The following SNRPC variants were observed in gnomAD, a reference collection of about 807,000 sequenced individuals.
The protein encoded by SNRPC is U1 small nuclear ribonucleoprotein C.
A neutral mutation model predicts 20.0 loss-of-function variants in SNRPC; 5 were observed. That is an observed-to-expected ratio of 0.25 (90% confidence interval 0.13 to 0.53). The LOEUF is 0.53. Ranked by LOEUF, SNRPC falls within the 20% of genes least tolerant of loss-of-function variation. The pLI is 0.96. For synonymous variants in SNRPC, 61 were observed against 58.7 expected (o/e 1.04, Z -0.18); for missense variants, 112 against 224.1 (o/e 0.50, Z 3.19).
chr6:34,770,930 AG>A (rs1281575900), intron 5 of SNRPC, among the ~76,000 whole-genome samples: 1 of 152,190 alleles, frequency 6.6e-6, no homozygotes, highest in Admixed American at 6.5e-5. Context: ...TTTTTTATTT[AG>A]GGAGGCGTAA....
In SNRPC at chr6:34,773,441, T is replaced by C. The variant is rs1270719550; in HGVS notation, c.356-5T>C. 3 of 1,613,204 alleles carry C rather than the reference T, an allele frequency of 1.9e-6. No homozygotes were observed. In the African/African-American group the frequency reaches 4.0e-5, roughly 22 times the overall value. ...TTTCTCCCTCTTCTTTGTTTTGTCC[T>C]GCAGCTCCTGGAATGAGGCCGCCCA... On this transcript the variant is annotated splice_polypyrimidine_tract_variant and splice_region_variant and intron_variant, in intron 5 of 5. Coordinates refer to ENST00000244520, the MANE Select transcript of SNRPC (RefSeq NM_003093.3). The surrounding 1 kb of genome is among the most constrained non-coding windows in gnomAD (Gnocchi z 4.1).
chr6:34,767,950 C>T lies in SNRPC; in HGVS notation c.203C>T (p.Ser68Phe), dbSNP rs1290257680. 1 of 1,610,022 alleles carries T rather than the reference C, an allele frequency of 6.2e-7. No homozygotes were observed. Among genetic ancestry groups the T allele is most frequent in the East Asian group, 2.2e-5 (1 of 44,702 alleles). ...GGAAAGATACCTCCTACTCCATTCT[C>T]TGCTCCTCCTCCTGCAGGGGCGATG... The part of the protein sequence containing the change: ...QQGKIPPTPF[S>F]APPPAGAMIP... Residue 68 changes from serine to phenylalanine, a missense_variant, in exon 4 of 6, where the codon TCT becomes TTT. By Grantham distance (155) the Ser-to-Phe change is radical (BLOSUM62 -2). This residue lies in a region of SNRPC where 45 missense variants were observed against 48.6 expected (regional missense o/e 0.93). Transcript: ENST00000244520.
At chr6:34,772,276 C>T (rs761684197) in intron 5 of SNRPC, among the ~76,000 whole-genome samples, 8 of 152,166 alleles carry the variant, frequency 5.3e-5, no homozygotes, top group Non-Finnish European at 1.0e-4. Flanking sequence ...GGAATCTAGA[C>T]TTTTGTATGA....
intron 2 of SNRPC, among the ~76,000 whole-genome samples, chr6:34,759,572 A>G (rs1764506133): frequency 6.6e-6 from 1 of 152,234 alleles, no homozygotes; most frequent in Admixed American, 6.5e-5. Context: ...TTGTTGCTTC[A>G]TTAAGGACAC....
At chr6:34,769,485 C>T (rs1408382505) in intron 4 of SNRPC, among the ~76,000 whole-genome samples, 1 of 151,950 alleles carries the variant, frequency 6.6e-6, no homozygotes, top group East Asian at 1.9e-4. Flanking sequence ...GAGCCACCAC[C>T]CCCAGCCTAC....
chr6:34,767,089 T>G (rs1250072199), intron 3 of SNRPC, among the ~76,000 whole-genome samples: 1 of 152,236 alleles, frequency 6.6e-6, no homozygotes, highest in Non-Finnish European at 1.5e-5. Flanking sequence ...TGGGGCAGGC[T>G]TATAGTTTGA....
rs1764630620 is a variant in SNRPC at position 34,767,693 on chromosome 6, CAT to C, written c.161-213_161-212del. 5.3e-5 allele frequency among the ~76,000 whole-genome samples: 8 copies of C among 152,204 alleles called. No individual in the cohort carries two copies. The South Asian group carries it at 1.5e-3, about 28-fold the overall frequency. The stretch of plus-strand genomic sequence containing the variant: ...AGCCATAGAAATGCTAAGTAGAAAA[CAT>C]AAATCAATAAACCAATTAACTGCAC... On this transcript the variant is annotated intron_variant, in intron 3 of 5. Transcript: ENST00000244520.
intron 4 of SNRPC, among the ~76,000 whole-genome samples, chr6:34,769,540 A>G (rs1266260929): frequency 6.6e-6 from 1 of 152,092 alleles, no homozygotes; most frequent in Admixed American, 6.6e-5. Context: ...AGGTATTGTA[A>G]ATGATACTGT....
chr6:34,770,504 G>A (rs931683827), intron 5 of SNRPC, 109 bp downstream of exon 5: 2 of 686,104 alleles, frequency 2.9e-6, no homozygotes, highest in Admixed American at 2.7e-5. Context: ...CTTGAAAATG[G>A]GGAGTTGTGC....
intron 2 of SNRPC, among the ~76,000 whole-genome samples, chr6:34,759,099 GTATTGGGAAGCTGTCA>G (rs1401269041): frequency 6.6e-6 from 1 of 150,924 alleles, no homozygotes; most frequent in Non-Finnish European, 1.5e-5. Context: ...CCACCTTTAA[GTATTGGGAAGCTGTCA>G]AGCTTATGGT....
intron 3 of SNRPC, among the ~76,000 whole-genome samples, chr6:34,764,061 C>T (rs138207634): frequency 1.8e-3 from 278 of 151,748 alleles, no homozygotes; most frequent in African/African-American, 6.1e-3. Flanking sequence ...CAAAACTGTC[C>T]GGGCACAGTG....
chr6:34,773,515 C>T lies in SNRPC; in HGVS notation c.425C>T (p.Pro142Leu), dbSNP rs1276522448. 6.2e-7 allele frequency: 1 copy of T among 1,613,714 alleles called. No individual in the cohort carries two copies. Among genetic ancestry groups the T allele is most frequent in the Non-Finnish European group, 8.5e-7 (1 of 1,179,888 alleles). ...MMPGPPMMRPPARPMMVPTRP... is the reference protein window; with the variant it reads ...MMPGPPMMRPLARPMMVPTRP... Reference sequence around the variant, plus strand: ...CCTGGGCCCCCAATGATGAGACCTCCTGCCCGTCCCATGATGGTGCCCACT... The same window carrying T: ...CCTGGGCCCCCAATGATGAGACCTCTTGCCCGTCCCATGATGGTGCCCACT... The change falls in exon 6 of 6, where the codon CCT (proline) becomes CTT (leucine). Residue 142 changes from proline to leucine, a missense_variant. By Grantham distance (98) the Pro-to-Leu change is moderately conservative. Transcript: ENST00000244520. This position sits in a 1 kb window ranked among gnomAD's most constrained non-coding sequence, Gnocchi z 4.1.
chr6:34,763,430 C>G (rs1764563705), intron 3 of SNRPC, among the ~76,000 whole-genome samples: 1 of 151,976 alleles, frequency 6.6e-6, no homozygotes, highest in Non-Finnish European at 1.5e-5. Context: ...GCCTGTAATC[C>G]CAGTACTTTG....
rs1038789447 is a variant in SNRPC at position 34,773,838 on chromosome 6, A to T, written c.*268A>T. On this transcript the variant is annotated 3_prime_UTR_variant, in exon 6 of 6. Coordinates refer to ENST00000244520, the MANE Select transcript of SNRPC (RefSeq NM_003093.3). The surrounding 1 kb of genome is among the most constrained non-coding windows in gnomAD (Gnocchi z 4.1). ...CCTCTCTGTGTTCTCTGTGTATTAT[A>T]AAAGAAATGAAACATTCCAGTTCTG... 3.6e-6 allele frequency: 1 copy of T among 276,792 alleles called. No homozygotes were observed. Among genetic ancestry groups the T allele is most frequent in the African/African-American group, 2.2e-5 (1 of 46,270 alleles). The allele number at this position is 276,792 out of a possible 1,614,324, so 17.1% of individuals were successfully genotyped here.
At chr6:34,757,715 G>C (rs1400497180) in intron 1 of SNRPC, 164 bp downstream of exon 1, 1 of 1,423,674 alleles carries the variant, frequency 7.0e-7, no homozygotes, top group African/African-American at 1.4e-5. Flanking sequence ...CCCCATTTTA[G>C]AGTGCAGATG....
intron 3 of SNRPC, among the ~76,000 whole-genome samples, chr6:34,767,022 GAA>G (rs3839363): frequency 6.6e-6 from 1 of 151,310 alleles, no homozygotes; most frequent in East Asian, 1.9e-4. Flanking sequence ...TGCTTCATCT[GAA>G]AAAAAAATTT....
chr6:34,771,532 G>A (rs1409076365), intron 5 of SNRPC, among the ~76,000 whole-genome samples: 1 of 152,038 alleles, frequency 6.6e-6, no homozygotes, highest in Admixed American at 6.6e-5. Context: ...TTTGGTGATA[G>A]TTTATCTGAG....
intron 3 of SNRPC, among the ~76,000 whole-genome samples, chr6:34,764,369 G>T (rs956151391): frequency 6.6e-6 from 1 of 151,990 alleles, no homozygotes; most frequent in Admixed American, 6.5e-5. Flanking sequence ...CCAGCTACTT[G>T]GGAGGCTGAG....
chr6:34,771,915 G>A (rs1259825706), intron 5 of SNRPC, among the ~76,000 whole-genome samples: 1 of 152,192 alleles, frequency 6.6e-6, no homozygotes, highest in African/African-American at 2.4e-5. Flanking sequence ...TAGGGATGTG[G>A]TGAACTGGGG....
Sources: gnomAD v4.1 joint callset for allele counts (sites outside exome capture counted in the v4.1 genomes callset) on GRCh38, gnomAD v4.1.1 for gene constraint, gnomAD v4.1.1 regional missense constraint, Gnocchi (gnomAD v3.1) non-coding constraint, MANE v1.5 for transcripts, NCBI Gene and HGNC (gene_info 2026-07-23, HGNC 2026-07-21) for gene names.